Variants in ANK2 observed in about 807,000 individuals in gnomAD.
ANK2 encodes the protein ankyrin 2, also known as ankyrin-2.
Under a neutral mutation model 360.5 loss-of-function variants are expected in ANK2, and 83 were observed. That is an observed-to-expected ratio of 0.23 (90% CI 0.19 to 0.28). The LOEUF is 0.28. Ranked by LOEUF, ANK2 falls within the 10% of genes least tolerant of loss-of-function variation. The probability of loss-of-function intolerance (pLI) is 1.00; values close to 1 mark genes in which losing one functional copy is unlikely to be tolerated. For missense variants in ANK2, 4,201 were observed against 4,795.7 expected (o/e 0.88, Z 3.66); for synonymous variants, 1,740 against 1,759.5 (o/e 0.99, Z 0.28).
intron 2 of ANK2, among the ~76,000 whole-genome samples, chr4:113,184,399 A>G (rs17045717): frequency 0.03 from 4,541 of 152,118 alleles, 226 homozygotes; most frequent in African/African-American, 0.1. Context: ...TGTGGAAACT[A>G]TCTGGAGAAA....
At position 113,096,051 on chromosome 4, in the gene ANK2, C is replaced by T. The variant is rs550544026; in HGVS notation, c.84+46239C>T. The stretch of plus-strand genomic sequence containing the variant: ...CCAAAGTAGTGTAGCTGTGCTCCAG[C>T]GTCTTACAAAGTTCATCCCGATTCT... On this transcript the variant is annotated intron_variant, in intron 1 of 45. Coordinates refer to ENST00000357077, the MANE Select transcript of ANK2 (RefSeq NM_001148.6). Among the ~76,000 whole-genome samples, 13 of 152,276 alleles carry T rather than the reference C, an allele frequency of 8.5e-5. No homozygotes were observed. The East Asian group carries it at 1.7e-3, about 20-fold the overall frequency.
At chr4:112,705,857 G>A in the ANK2 span, among the ~76,000 whole-genome samples, 296 of 152,134 alleles carry the variant, frequency 1.9e-3, 1 homozygote, top group African/African-American at 6.8e-3. Flanking sequence ...CGCTGGGAAG[G>A]GGCAGCTGCT....
chr4:112,821,272 C>T (rs1354834384), intron 1 of ANK2, among the ~76,000 whole-genome samples: 1 of 151,640 alleles, frequency 6.6e-6, no homozygotes, highest in African/African-American at 2.4e-5. Flanking sequence ...TGGTCTGGAA[C>T]TCCTGGGCTC....
intron 2 of ANK2, among the ~76,000 whole-genome samples, chr4:112,943,718 T>C (rs1259118981): frequency 6.6e-6 from 1 of 152,140 alleles, no homozygotes; most frequent in African/African-American, 2.4e-5. Flanking sequence ...AGATTAACAG[T>C]GTTTCACAAA....
rs1171500202 is a variant in ANK2 at position 113,339,292 on chromosome 4, G to T, written c.3863G>T (p.Cys1288Phe). 6.2e-7 allele frequency: 1 copy of T among 1,613,982 alleles called. No individual in the cohort carries two copies. The highest frequency in any genetic ancestry group is 8.5e-7 in the Non-Finnish European group (1 of 1,179,964). The stretch of plus-strand genomic sequence containing the variant: ...ACGCCATTAACATTTGTCAATGAAT[G>T]TGTTTCCTTTACAACAAACGTGTCT... ...GTTPLTFVNE[C>F]VSFTTNVSAR... Residue 1288 changes from cysteine to phenylalanine, a missense_variant, in exon 32 of 46, where the codon TGT (cysteine) becomes TTT (phenylalanine). This residue lies in a region of ANK2 where 1,268 missense variants were observed against 1,650.8 expected (regional missense o/e 0.77). Coordinates refer to ENST00000357077, the MANE Select transcript of ANK2 (RefSeq NM_001148.6).
At chr4:113,220,671 G>A (rs1027297255) in intron 4 of ANK2, among the ~76,000 whole-genome samples, 6 of 152,140 alleles carry the variant, frequency 3.9e-5, no homozygotes, top group African/African-American at 1.4e-4. Context: ...AACAGAGAGA[G>A]AAAAATGTTT....
intron 2 of ANK2, among the ~76,000 whole-genome samples, chr4:112,992,834 C>T (rs1433389543): frequency 6.6e-6 from 1 of 152,144 alleles, no homozygotes; most frequent in East Asian, 1.9e-4. Flanking sequence ...CAGTTCAGTC[C>T]ATACCAAGCA....
intron 1 of ANK2, among the ~76,000 whole-genome samples, chr4:112,834,443 A>G (rs535235914): frequency 8.8e-4 from 134 of 152,352 alleles, no homozygotes; most frequent in Middle Eastern, 3.4e-3. Flanking sequence ...GATTCATTAT[A>G]TCATTTTCTC....
chr4:112,821,519 TTTGAGACTGGG>T (rs2057030858), intron 1 of ANK2, among the ~76,000 whole-genome samples: 1 of 151,800 alleles, frequency 6.6e-6, no homozygotes, highest in Non-Finnish European at 1.5e-5. Context: ...TTATTTTTTT[TTTGAGACTGGG>T]TCTCAGTCTG....
chr4:112,957,887 C>T (rs1034521222), intron 2 of ANK2, among the ~76,000 whole-genome samples: 8 of 150,538 alleles, frequency 5.3e-5, no homozygotes, highest in Non-Finnish European at 1.0e-4. Context: ...ACGGGGCAGC[C>T]GGGCAGAGAT....
chr4:113,164,716 T>C (rs918429892), intron 1 of ANK2, among the ~76,000 whole-genome samples: 1 of 152,220 alleles, frequency 6.6e-6, no homozygotes. Flanking sequence ...TTGGTTGGGT[T>C]TGTTTTTCAT....
chr4:112,901,497 T>C (rs2083333032), intron 1 of ANK2, among the ~76,000 whole-genome samples: 1 of 152,202 alleles, frequency 6.6e-6, no homozygotes, highest in Non-Finnish European at 1.5e-5. Context: ...AAAGTATCTG[T>C]CTAGTTAATT....
intron 1 of ANK2, among the ~76,000 whole-genome samples, chr4:113,088,784 T>C (rs2086207617): frequency 6.6e-6 from 1 of 152,180 alleles, no homozygotes; most frequent in Non-Finnish European, 1.5e-5. Context: ...TTTTTACAGA[T>C]GAGTAAACTG....
intron 2 of ANK2, among the ~76,000 whole-genome samples, chr4:113,175,418 A>G (rs1188728509): frequency 6.6e-6 from 1 of 152,040 alleles, no homozygotes. Flanking sequence ...CCTAATTCCT[A>G]CCTGCTGATT....
chr4:112,818,944 GA>G (rs2056170872), intron 1 of ANK2, among the ~76,000 whole-genome samples: 1 of 152,178 alleles, frequency 6.6e-6, no homozygotes, highest in African/African-American at 2.4e-5. Context: ...AAGGAGTAGA[GA>G]GAAATGTAAC....
the ANK2 span, among the ~76,000 whole-genome samples, chr4:112,779,992 G>T: frequency 6.6e-6 from 1 of 152,150 alleles, no homozygotes; most frequent in African/African-American, 2.4e-5. Flanking sequence ...GGAGGCCGAG[G>T]TGGGCGGATC....
intron 4 of ANK2, among the ~76,000 whole-genome samples, chr4:113,205,161 G>A (rs1359682963): frequency 6.8e-6 from 1 of 147,950 alleles, no homozygotes; most frequent in Admixed American, 6.8e-5. Context: ...GCGTGAACCC[G>A]GGAGGCGGAG....
intron 2 of ANK2, among the ~76,000 whole-genome samples, chr4:112,963,902 G>A (rs1245509573): frequency 6.6e-6 from 1 of 151,662 alleles, no homozygotes; most frequent in Non-Finnish European, 1.5e-5. Flanking sequence ...ACTATTTATA[G>A]TTACTGAGTC....
chr4:113,274,021 T>C (rs1586808917), intron 14 of ANK2, among the ~76,000 whole-genome samples: 1 of 152,222 alleles, frequency 6.6e-6, no homozygotes, highest in Admixed American at 6.5e-5. Context: ...TCAAAGATTT[T>C]CCAGCATCCC....
Sources: gnomAD v4.1 joint callset for allele counts (sites outside exome capture counted in the v4.1 genomes callset) on GRCh38, gnomAD v4.1.1 for gene constraint, gnomAD v4.1.1 regional missense constraint, MANE v1.5 for transcripts, NCBI Gene and HGNC (gene_info 2026-07-23, HGNC 2026-07-21) for gene names.